The following KIAA1217 variants were observed in gnomAD, a reference collection of about 807,000 sequenced individuals.
KIAA1217 encodes the protein KIAA1217.
In KIAA1217, 88 loss-of-function variants were observed where a neutral mutation model predicts 163.9. The ratio of observed to expected loss-of-function variants is 0.54; its 90% CI spans 0.45 to 0.64. KIAA1217 has a LOEUF of 0.64. KIAA1217 is among the 30% of genes least tolerant of loss of function. The pLI is 0.00. For missense variants in KIAA1217, 2,372 were observed against 2,475.0 expected (o/e 0.96, Z 0.88); for synonymous variants, 903 against 923.1 (o/e 0.98, Z 0.39).
intron 1 of KIAA1217, among the ~76,000 whole-genome samples, chr10:23,790,747 A>C (rs942238626): frequency 1.4e-5 from 2 of 147,612 alleles, no homozygotes; most frequent in African/African-American, 5.1e-5. Flanking sequence ...ATGTATGTAA[A>C]ATCTGAGACA....
At chr10:24,013,857 G>A (rs1239816366) in intron 2 of KIAA1217, among the ~76,000 whole-genome samples, 2 of 152,120 alleles carry the variant, frequency 1.3e-5, no homozygotes, top group African/African-American at 4.8e-5. Flanking sequence ...AGAAGCTGAA[G>A]AGAGGAAACC....
chr10:24,432,949 C>A, intron 3 of KIAA1217, 46 bp from the exon 4 acceptor site: 1 of 1,505,998 alleles, frequency 6.6e-7, no homozygotes, highest in Admixed American at 1.7e-5. Flanking sequence ...GCTGTGTGTC[C>A]CCTGAGTCTT....
intron 2 of KIAA1217, among the ~76,000 whole-genome samples, chr10:24,101,927 T>C (rs1025422363): frequency 6.6e-6 from 1 of 152,200 alleles, no homozygotes; most frequent in Non-Finnish European, 1.5e-5. Context: ...ATGGGATTTC[T>C]TTGGGAGGTT....
chr10:24,483,452 G>A (rs564914219), intron 6 of KIAA1217, among the ~76,000 whole-genome samples: 10 of 152,284 alleles, frequency 6.6e-5, no homozygotes, highest in East Asian at 1.9e-4. Flanking sequence ...AGGACTCGCC[G>A]TGGCCCCCCT....
In KIAA1217 at chr10:23,817,148, A is replaced by G. The variant is rs138417287; in HGVS notation, c.-321+121914A>G. Among the ~76,000 whole-genome samples, 3 of 152,298 alleles carry G rather than the reference A, an allele frequency of 2.0e-5. No individual in the cohort carries two copies. The East Asian group carries it at 5.8e-4, about 29-fold the overall frequency. ...GAGTATTATATAATATTCATTTTAA[A>G]TGATTTGAAGTAATTTTAATTGGTA... On this transcript the variant is annotated intron_variant, in intron 1 of 18. Transcript: ENST00000376462.
At chr10:23,797,001 T>A (rs1379718051) in intron 1 of KIAA1217, among the ~76,000 whole-genome samples, 1 of 152,182 alleles carries the variant, frequency 6.6e-6, no homozygotes, top group Admixed American at 6.5e-5. Context: ...CTCAAGGCAG[T>A]GCTACCACAT....
intron 2 of KIAA1217, among the ~76,000 whole-genome samples, chr10:24,290,729 A>G (rs1462900472): frequency 1.3e-5 from 2 of 151,738 alleles, no homozygotes; most frequent in Non-Finnish European, 2.9e-5. Flanking sequence ...CAGCCTCCCA[A>G]GTAGCTGGGG....
chr10:23,875,872 C>G (rs1231849567), intron 1 of KIAA1217, among the ~76,000 whole-genome samples: 1 of 150,654 alleles, frequency 6.6e-6, no homozygotes, highest in Non-Finnish European at 1.5e-5. Context: ...CACTGCATGT[C>G]CTCACTCATA....
intron 1 of KIAA1217, among the ~76,000 whole-genome samples, chr10:23,749,665 G>A (rs776271583): frequency 3.9e-5 from 6 of 152,106 alleles, no homozygotes; most frequent in Non-Finnish European, 5.9e-5. Flanking sequence ...TTTGCCTCCC[G>A]AAGTGCTGGG....
intron 1 of KIAA1217, among the ~76,000 whole-genome samples, chr10:23,927,844 T>C (rs1843091455): frequency 6.6e-6 from 1 of 152,162 alleles, no homozygotes; most frequent in Non-Finnish European, 1.5e-5. Context: ...TAGTGCGCGA[T>C]AAACCAAATG....
At chr10:24,037,334 T>TA (rs1433802531) in intron 2 of KIAA1217, among the ~76,000 whole-genome samples, 3 of 151,494 alleles carry the variant, frequency 2.0e-5, no homozygotes, top group Non-Finnish European at 4.4e-5. Flanking sequence ...GAATAAAAAA[T>TA]AAAAAACTAG....
At chr10:24,148,068 T>A (rs1179771394) in intron 2 of KIAA1217, among the ~76,000 whole-genome samples, 1 of 151,864 alleles carries the variant, frequency 6.6e-6, no homozygotes, top group African/African-American at 2.4e-5. Flanking sequence ...AGGCAAAAGG[T>A]TTTTTCTCCT....
chr10:23,951,015 CCTT>C (rs1488389336), intron 1 of KIAA1217, among the ~76,000 whole-genome samples: 5 of 152,104 alleles, frequency 3.3e-5, no homozygotes, highest in African/African-American at 1.2e-4. Flanking sequence ...GAGACACTGC[CCTT>C]CTCTTAATAG....
chr10:24,514,755 C>T (rs545662489), intron 10 of KIAA1217, among the ~76,000 whole-genome samples: 3 of 152,076 alleles, frequency 2.0e-5, no homozygotes, highest in South Asian at 2.1e-4. Context: ...TTTGGGAGGC[C>T]GAGGCAGCCA....
At chr10:24,239,350 G>A (rs1445640507) in intron 2 of KIAA1217, 1 of 972,902 alleles carries the variant, frequency 1.0e-6, no homozygotes, top group African/African-American at 1.8e-5. Context: ...AAATATGCGG[G>A]GTTTTTTTCT....
chr10:24,280,362 T>C (rs1005135653), intron 2 of KIAA1217, among the ~76,000 whole-genome samples: 13 of 152,164 alleles, frequency 8.5e-5, no homozygotes, highest in African/African-American at 3.1e-4. Flanking sequence ...TGAAATAATC[T>C]GGAGTACACA....
Position 23,841,578 on chromosome 10 carries a change from CT to C in KIAA1217, c.-321+146354del, listed in dbSNP as rs60011792. 2.2e-3 allele frequency among the ~76,000 whole-genome samples: 330 copies of C among 148,754 alleles called. 2 individuals are homozygous for C. The highest frequency in any genetic ancestry group is 7.7e-3 in the African/African-American group (312 of 40,556). On this transcript the variant is annotated intron_variant, in intron 1 of 18. Coordinates refer to the KIAA1217 transcript ENST00000376462. ...ATCTAACACTCTGTTCCTATTAATT[CT>C]TTTTTTTTTCATTTTCTTCTAGGAA...
chr10:24,095,922 A>G (rs1474753245), intron 2 of KIAA1217, among the ~76,000 whole-genome samples: 1 of 152,198 alleles, frequency 6.6e-6, no homozygotes, highest in African/African-American at 2.4e-5. Flanking sequence ...GCTGAAAAAC[A>G]TAATGAGACC....
chr10:24,212,285 T>G (rs897082893), intron 1 of KIAA1217, among the ~76,000 whole-genome samples: 1 of 152,080 alleles, frequency 6.6e-6, no homozygotes, highest in African/African-American at 2.4e-5. Context: ...TGGGGAGTAT[T>G]TACGAAGAAC....
Sources: allele counts gnomAD v4.1 joint callset (sites outside exome capture counted in the v4.1 genomes callset), GRCh38; gene constraint gnomAD v4.1.1; transcripts MANE v1.5; gene names NCBI Gene and HGNC (gene_info 2026-07-23, HGNC 2026-07-21).